The following SLC39A8 variants were observed in gnomAD, a reference collection of about 807,000 sequenced individuals.
SLC39A8 encodes the protein metal cation symporter ZIP8.
In SLC39A8, 15 loss-of-function variants were observed where a neutral mutation model predicts 40.4. The ratio of observed to expected loss-of-function variants is 0.37; its 90% CI spans 0.25 to 0.57. The LOEUF (loss-of-function observed/expected upper bound fraction) is 0.57, where lower values mean the gene tolerates loss of function less well. Ranked by LOEUF, SLC39A8 falls within the 20% of genes least tolerant of loss-of-function variation. The probability of loss-of-function intolerance (pLI) is 0.75; values close to 1 mark genes in which losing one functional copy is unlikely to be tolerated. For synonymous variants in SLC39A8, 223 were observed against 221.6 expected, an observed-to-expected ratio of 1.01 and a Z score of -0.06; for missense variants, 472 against 558.8, an observed-to-expected ratio of 0.84 and a Z score of 1.57.
At chr4:102,266,267 G>T (rs1204699963) in intron 8 of SLC39A8, among the ~76,000 whole-genome samples, 1 of 151,992 alleles carries the variant, frequency 6.6e-6, no homozygotes, top group Non-Finnish European at 1.5e-5. Context: ...AACAACTCTA[G>T]TAAGATTCCA....
chr4:102,259,519 A>G (rs1731788776), downstream of SLC39A8: 2 of 1,538,230 alleles, frequency 1.3e-6, no homozygotes, highest in African/African-American at 1.4e-5. Context: ...GATTATCTAC[A>G]AGAATCAGAT....
intron 6 of SLC39A8, among the ~76,000 whole-genome samples, chr4:102,278,210 T>C (rs1396058025): frequency 2.6e-5 from 4 of 152,152 alleles, no homozygotes; most frequent in African/African-American, 9.7e-5. Flanking sequence ...ACCTACAGAA[T>C]GGGAGAAAAT....
In SLC39A8 at chr4:102,293,779, C is replaced by T. The variant is rs146176904; in HGVS notation, c.840+10538G>A. On this transcript the variant is annotated intron_variant, in intron 6 of 8. Coordinates refer to ENST00000356736, the MANE Select transcript of SLC39A8 (RefSeq NM_001135146.2). ...TCAATGCAATGTCAATGAAAATCTC[C>T]ACAATGATATTGATATGGAAAAACA... 7.1e-4 allele frequency among the ~76,000 whole-genome samples: 108 copies of T among 152,012 alleles called. 2 individuals are homozygous for T. Among genetic ancestry groups the T allele is most frequent in the African/African-American group, 2.5e-3 (104 of 41,516 alleles).
chr4:102,282,757 C>T (rs548304124), intron 6 of SLC39A8, among the ~76,000 whole-genome samples: 1 of 152,096 alleles, frequency 6.6e-6, no homozygotes, highest in African/African-American at 2.4e-5. Context: ...GACGGAGTCC[C>T]ACTCTGTCGT....
intron 2 of SLC39A8, among the ~76,000 whole-genome samples, chr4:102,335,031 CACA>C (rs1287356178): frequency 1.3e-5 from 2 of 152,136 alleles, no homozygotes; most frequent in Non-Finnish European, 2.9e-5. Context: ...AGGCCCTACC[CACA>C]ACATTTACTT....
intron 6 of SLC39A8, among the ~76,000 whole-genome samples, chr4:102,278,157 G>C (rs565674868): frequency 6.6e-5 from 10 of 152,302 alleles, no homozygotes; most frequent in African/African-American, 2.4e-4. Flanking sequence ...AAACTAAAGA[G>C]CTTCTGCACA....
intron 6 of SLC39A8, among the ~76,000 whole-genome samples, chr4:102,282,264 CTAAA>C (rs1375227300): frequency 1.3e-5 from 2 of 152,142 alleles, no homozygotes; most frequent in Non-Finnish European, 2.9e-5. Flanking sequence ...TGTTTGTTGA[CTAAA>C]TAAATGTGTA....
In SLC39A8 at chr4:102,332,540, A is replaced by G. The variant is rs922467807; in HGVS notation, c.219+11904T>C. Among the ~76,000 whole-genome samples, 3 of 152,252 alleles carry G rather than the reference A, an allele frequency of 2.0e-5. No homozygotes were observed. In the East Asian group the frequency reaches 5.8e-4, roughly 29 times the overall value. The stretch of plus-strand genomic sequence containing the variant: ...CAGATGCTGGAGAGGATGTGGAGAA[A>G]TGGGAAAGCTTTTACACTGTTGGTG... On this transcript the variant is annotated intron_variant, in intron 2 of 8. Transcript: ENST00000356736.
chr4:102,283,359 A>G (rs1732990520), intron 6 of SLC39A8, among the ~76,000 whole-genome samples: 1 of 152,192 alleles, frequency 6.6e-6, no homozygotes, highest in Non-Finnish European at 1.5e-5. Flanking sequence ...GCTCAAGAGA[A>G]TTGAGTTTTT....
At chr4:102,342,269 G>C (rs1397209889) in intron 2 of SLC39A8, among the ~76,000 whole-genome samples, 2 of 152,214 alleles carry the variant, frequency 1.3e-5, no homozygotes, top group African/African-American at 2.4e-5. Context: ...GGGAGACCGA[G>C]GCCGGCGGAT....
At chr4:102,272,666 G>A (rs1319755224) in intron 6 of SLC39A8, among the ~76,000 whole-genome samples, 1 of 152,124 alleles carries the variant, frequency 6.6e-6, no homozygotes, top group African/African-American at 2.4e-5. Flanking sequence ...TGACAGGCCA[G>A]ATGGCCAAGT....
intron 2 of SLC39A8, among the ~76,000 whole-genome samples, chr4:102,322,041 G>T (rs1734988741): frequency 6.6e-6 from 1 of 152,146 alleles, no homozygotes; most frequent in African/African-American, 2.4e-5. Context: ...TGAAAGACAT[G>T]TAACCCTTGG....
At chr4:102,317,127 T>G (rs925455423) in intron 2 of SLC39A8, among the ~76,000 whole-genome samples, 1 of 152,206 alleles carries the variant, frequency 6.6e-6, no homozygotes, top group Non-Finnish European at 1.5e-5. Context: ...ATGAATGGTA[T>G]CAATAACTCA....
At chr4:102,332,266 T>A (rs868852160) in intron 2 of SLC39A8, among the ~76,000 whole-genome samples, 1 of 152,182 alleles carries the variant, frequency 6.6e-6, no homozygotes, top group Admixed American at 6.6e-5. Context: ...AATCTATCCA[T>A]CTGACAAAGG....
At position 102,266,349 on chromosome 4, in the gene SLC39A8, T is replaced by G. The variant is rs530862643; in HGVS notation, c.1233+1141A>C. Among the ~76,000 whole-genome samples, 21 of 151,136 alleles carry G rather than the reference T, an allele frequency of 1.4e-4. No individual in the cohort carries two copies. The South Asian group carries it at 2.7e-3, about 19-fold the overall frequency. The stretch of plus-strand genomic sequence containing the variant: ...AATTTTGTGACAAAAGTTATAAATG[T>G]AGCATTGGTTCTAAGAGATGAAATC... On this transcript the variant is annotated intron_variant, in intron 8 of 8. Transcript: ENST00000356736.
chr4:102,333,352 T>C (rs912974736), intron 2 of SLC39A8, among the ~76,000 whole-genome samples: 1 of 152,134 alleles, frequency 6.6e-6, no homozygotes, highest in African/African-American at 2.4e-5. Flanking sequence ...TGATTTCATC[T>C]CTACTACAAT....
At chr4:102,261,205 C>T (rs1731839687), downstream of SLC39A8, among the ~76,000 whole-genome samples, 1 of 152,192 alleles carries the variant, frequency 6.6e-6, no homozygotes, top group South Asian at 2.1e-4. Context: ...GAAGTCTGGT[C>T]TCCAAAGTGA....
In SLC39A8 at chr4:102,263,227, C is replaced by T. The variant is rs762263979; in HGVS notation, c.1234-34G>A. The T allele has an allele frequency of 1.0e-5, 16 of 1,594,066 alleles. No individual in the cohort carries two copies. In the Admixed American group the frequency reaches 1.0e-4, roughly 10 times the overall value. On this transcript the variant is annotated intron_variant, in intron 8 of 8. Transcript: ENST00000356736. ...CAGATATATTGTTAGATAACTGTTGCCATCTTGTGGCAAACCACAAAACAG... is the reference window on the plus strand; with the variant it reads ...CAGATATATTGTTAGATAACTGTTGTCATCTTGTGGCAAACCACAAAACAG...
intron 6 of SLC39A8, among the ~76,000 whole-genome samples, chr4:102,281,048 A>G (rs1732847371): frequency 6.6e-6 from 1 of 152,216 alleles, no homozygotes; most frequent in South Asian, 2.1e-4. Context: ...ATACCACTCT[A>G]AAAGGCTGCT....
Sources: gnomAD v4.1 joint callset for allele counts (sites outside exome capture counted in the v4.1 genomes callset) on GRCh38, gnomAD v4.1.1 for gene constraint, MANE v1.5 for transcripts, NCBI Gene and HGNC (gene_info 2026-07-23, HGNC 2026-07-21) for gene names.